Variants in KIAA1217 observed in about 807,000 individuals in gnomAD.
KIAA1217 encodes the protein KIAA1217.
KIAA1217 carries 88 observed loss-of-function variants against 163.9 expected under a neutral mutation model. The observed-to-expected ratio is 0.54, with a 90% CI of 0.45 to 0.64. The LOEUF is 0.64. KIAA1217 is among the 30% of genes least tolerant of loss of function. KIAA1217 has a pLI of 0.00. For missense variants in KIAA1217, 2,372 were observed against 2,475.0 expected (o/e 0.96, Z 0.88); for synonymous variants, 903 against 923.1 (o/e 0.98, Z 0.39).
intron 9 of KIAA1217, among the ~76,000 whole-genome samples, chr10:24,503,566 T>C (rs1052016481): frequency 6.6e-6 from 1 of 152,228 alleles, no homozygotes; most frequent in African/African-American, 2.4e-5. Flanking sequence ...AGCCACTCAG[T>C]TCCAACTGGC....
rs750803794 is a variant in KIAA1217, at chr10:24,524,632, A to G, written c.2766A>G (p.Glu922=). ...HVASSPAVPQ[E]ATSTLQMSQA... Reference sequence around the variant, plus strand: ...CCAGCTCCCCAGCCGTCCCCCAGGAAGCAACCTCCACTCTGCAGATGTCGC... The same window carrying G: ...CCAGCTCCCCAGCCGTCCCCCAGGAGGCAACCTCCACTCTGCAGATGTCGC... The change falls in exon 13 of 21, where the codon GAA becomes GAG. Residue 922 remains glutamate, a synonymous_variant. Transcript: ENST00000376454. 2 of 1,614,130 alleles carry G rather than the reference A, an allele frequency of 1.2e-6. No individual in the cohort carries two copies. Among genetic ancestry groups the G allele is most frequent in the Admixed American group, 3.3e-5 (2 of 60,026 alleles).
At chr10:23,794,482 C>T (rs1294494051) in intron 1 of KIAA1217, among the ~76,000 whole-genome samples, 1 of 152,164 alleles carries the variant, frequency 6.6e-6, no homozygotes, top group Non-Finnish European at 1.5e-5. Context: ...TTGGCTTTTG[C>T]TTACAAAAGC....
chr10:24,252,250 A>C (rs181397431), intron 2 of KIAA1217, among the ~76,000 whole-genome samples: 1 of 152,312 alleles, frequency 6.6e-6, no homozygotes, highest in Admixed American at 6.5e-5. Flanking sequence ...GATTAAGTAT[A>C]TGAAAGTGCT....
At chr10:24,486,804 T>C (rs908075289) in intron 6 of KIAA1217, among the ~76,000 whole-genome samples, 6 of 152,344 alleles carry the variant, frequency 3.9e-5, no homozygotes, top group Admixed American at 3.9e-4. Flanking sequence ...TTTTTTCTCC[T>C]TCATGTTCGT....
chr10:23,854,057 T>G (rs1202317840), intron 1 of KIAA1217, among the ~76,000 whole-genome samples: 1 of 152,184 alleles, frequency 6.6e-6, no homozygotes, highest in Non-Finnish European at 1.5e-5. Context: ...TTCTGCTAGC[T>G]TTTGAATGTG....
intron 1 of KIAA1217, among the ~76,000 whole-genome samples, chr10:23,817,257 A>T (rs962113965): frequency 6.6e-6 from 1 of 152,214 alleles, no homozygotes; most frequent in African/African-American, 2.4e-5. Context: ...TTGCGACAGT[A>T]GGATAAGACA....
intron 5 of KIAA1217, chr10:24,466,552 C>T (rs1403717881): frequency 4.1e-6 from 4 of 984,914 alleles, no homozygotes; most frequent in East Asian, 2.3e-4. Context: ...AGCTTCTCTC[C>T]GAAAACTGGG....
intron 2 of KIAA1217, among the ~76,000 whole-genome samples, chr10:24,309,699 G>C (rs1290097962): frequency 6.6e-6 from 1 of 152,100 alleles, no homozygotes; most frequent in East Asian, 1.9e-4. Flanking sequence ...GTAACCTCTG[G>C]TTCCCTCCTT....
At chr10:24,063,543 C>G (rs1488093366) in intron 2 of KIAA1217, among the ~76,000 whole-genome samples, 1 of 152,168 alleles carries the variant, frequency 6.6e-6, no homozygotes, top group Non-Finnish European at 1.5e-5. Flanking sequence ...GTTACTGTAG[C>G]CTTGTAGTAT....
At chr10:24,075,167 C>G (rs966190966) in intron 2 of KIAA1217, among the ~76,000 whole-genome samples, 14 of 150,282 alleles carry the variant, frequency 9.3e-5, no homozygotes, top group Admixed American at 2.6e-4. Flanking sequence ...CACACACACC[C>G]CTTCCTCACA....
At chr10:24,436,446 C>A in intron 4 of KIAA1217, among the ~76,000 whole-genome samples, 1 of 145,698 alleles carries the variant, frequency 6.9e-6, no homozygotes. Context: ...AAATTTTCAC[C>A]ACCAGCATTA....
chr10:24,464,424 C>G (rs922192225), intron 5 of KIAA1217, among the ~76,000 whole-genome samples: 1 of 152,168 alleles, frequency 6.6e-6, no homozygotes, highest in Non-Finnish European at 1.5e-5. Flanking sequence ...CTCATTGTAA[C>G]AGGGTCAACA....
chr10:24,004,331 T>C (rs1006602406), intron 1 of KIAA1217, among the ~76,000 whole-genome samples: 2 of 152,136 alleles, frequency 1.3e-5, no homozygotes, highest in African/African-American at 4.8e-5. Context: ...CCAAGTGGTC[T>C]TGATATACTC....
At chr10:23,753,868 C>G (rs1040630153) in intron 1 of KIAA1217, among the ~76,000 whole-genome samples, 1 of 152,172 alleles carries the variant, frequency 6.6e-6, no homozygotes, top group Non-Finnish European at 1.5e-5. Flanking sequence ...AACTTTGATT[C>G]TCGCTTTCAA....
intron 2 of KIAA1217, among the ~76,000 whole-genome samples, chr10:24,221,654 C>A (rs2069670849): frequency 6.6e-6 from 1 of 152,154 alleles, no homozygotes; most frequent in African/African-American, 2.4e-5. Flanking sequence ...TTTGTTCACA[C>A]TTCCAACAGT....
intron 2 of KIAA1217, among the ~76,000 whole-genome samples, chr10:24,373,401 T>G (rs777730951): frequency 6.6e-6 from 1 of 152,160 alleles, no homozygotes; most frequent in Non-Finnish European, 1.5e-5. Context: ...CCAGATACCT[T>G]TACCTTCTAA....
chr10:23,960,437 A>G (rs998680601), intron 1 of KIAA1217, among the ~76,000 whole-genome samples: 1 of 151,756 alleles, frequency 6.6e-6, no homozygotes, highest in Non-Finnish European at 1.5e-5. Context: ...TTGTATTTTT[A>G]GTAGAGACGG....
At chr10:24,197,024 C>T (rs74123659) in intron 2 of KIAA1217, among the ~76,000 whole-genome samples, 214 of 152,290 alleles carry the variant, frequency 1.4e-3, no homozygotes, top group African/African-American at 4.7e-3. Flanking sequence ...TCCTTCACTA[C>T]GATATGGAGT....
intron 2 of KIAA1217, among the ~76,000 whole-genome samples, chr10:24,069,012 A>C (rs976831752): frequency 2.6e-5 from 4 of 152,196 alleles, no homozygotes; most frequent in African/African-American, 9.6e-5. Flanking sequence ...AACCCTCAGA[A>C]AAGTTGGAAC....
Sources: gnomAD v4.1 joint callset for allele counts (sites outside exome capture counted in the v4.1 genomes callset) on GRCh38, gnomAD v4.1.1 for gene constraint, MANE v1.5 for transcripts, NCBI Gene and HGNC (gene_info 2026-07-23, HGNC 2026-07-21) for gene names.